The following GPATCH2L variants were observed in gnomAD, a reference collection of about 807,000 sequenced individuals.
GPATCH2L encodes G patch domain-containing protein 2-like.
Under a neutral mutation model 57.4 loss-of-function variants are expected in GPATCH2L, and 31 were observed. The ratio of observed to expected loss-of-function variants is 0.54; its 90% CI spans 0.41 to 0.73. The LOEUF (loss-of-function observed/expected upper bound fraction) is 0.73. Ranked by LOEUF, GPATCH2L falls within the 30% of genes least tolerant of loss-of-function variation. The probability of loss-of-function intolerance (pLI) is 0.00; values close to 1 mark genes in which losing one functional copy is unlikely to be tolerated. For missense variants in GPATCH2L, 481 were observed against 599.9 expected (o/e 0.80, Z 2.07); for synonymous variants, 199 against 210.7 (o/e 0.94, Z 0.48).
At chr14:76,180,536 A>T (rs2039522593) in intron 7 of GPATCH2L, among the ~76,000 whole-genome samples, 1 of 152,190 alleles carries the variant, frequency 6.6e-6, no homozygotes, top group African/African-American at 2.4e-5. Context: ...TTTTTGAAAA[A>T]TTGTTGTTTA....
At chr14:76,181,797 A>C (rs1205630799) in intron 8 of GPATCH2L, among the ~76,000 whole-genome samples, 1 of 152,224 alleles carries the variant, frequency 6.6e-6, no homozygotes, top group Non-Finnish European at 1.5e-5. Flanking sequence ...TAGAAGTTGT[A>C]CTGTTTCTGG....
In GPATCH2L at chr14:76,177,984, T is replaced by C. The variant is rs761495937; in HGVS notation, c.1053-4T>C. ...ATTTTATCATTTGGTTTCCTTTTCTTTAGAAAGAATAAAGCGTTGGCTTCT... is the reference window on the plus strand; with the variant it reads ...ATTTTATCATTTGGTTTCCTTTTCTCTAGAAAGAATAAAGCGTTGGCTTCT... On this transcript the variant is annotated splice_region_variant and splice_polypyrimidine_tract_variant and intron_variant, in intron 6 of 9. Coordinates refer to ENST00000261530, the MANE Select transcript of GPATCH2L (RefSeq NM_017926.4). 5 of 1,605,284 alleles carry C rather than the reference T, an allele frequency of 3.1e-6. No homozygotes were observed. The highest frequency in any genetic ancestry group is 3.4e-6 in the Non-Finnish European group (4 of 1,172,122).
intron 2 of GPATCH2L, among the ~76,000 whole-genome samples, chr14:76,162,635 G>T (rs2038645556): frequency 6.6e-6 from 1 of 152,120 alleles, no homozygotes; most frequent in African/African-American, 2.4e-5. Flanking sequence ...GTCAGGAATA[G>T]TATTCTCAGA....
intron 2 of GPATCH2L, among the ~76,000 whole-genome samples, chr14:76,156,741 C>T (rs926053741): frequency 2.0e-5 from 3 of 152,182 alleles, no homozygotes; most frequent in Admixed American, 2.0e-4. Flanking sequence ...GTTTCTTCCC[C>T]TTAATTTCTT....
chr14:76,178,520 A>G (rs2039429909), intron 7 of GPATCH2L: 1 of 206,086 alleles, frequency 4.9e-6, no homozygotes, highest in Non-Finnish European at 1.0e-5. Flanking sequence ...ACATTGTAAT[A>G]TATAATGAAA....
At position 76,206,125 on chromosome 14, in the gene GPATCH2L, A is replaced by G. The variant is rs1354593764; in HGVS notation, c.*4274A>G. On this transcript the variant is annotated 3_prime_UTR_variant, in exon 10 of 10. Coordinates refer to ENST00000261530, the MANE Select transcript of GPATCH2L (RefSeq NM_017926.4). The stretch of plus-strand genomic sequence containing the variant: ...TCCCTCTGCTAGTGCTTGAGCTGCC[A>G]ATTTTATTTGTCAGTATTTCCTGAT... 1 of 152,248 alleles carries G rather than the reference A, an allele frequency of 6.6e-6. No homozygotes were observed. Among genetic ancestry groups the G allele is most frequent in the Non-Finnish European group, 1.5e-5 (1 of 68,038 alleles). 9.4% of individuals were successfully genotyped at this position (152,248 alleles called of 1,614,324 possible).
At chr14:76,231,899 A>AAT (rs892176513) in intron 2 of GPATCH2L, among the ~76,000 whole-genome samples, 11 of 10,364 alleles carry the variant, frequency 1.1e-3, no homozygotes, top group South Asian at 6.3e-3. Flanking sequence ...CTCCCATATA[A>AAT]ATATATATAT....
chr14:76,234,950 C>T (rs1181790133), intron 2 of GPATCH2L: 1 of 152,332 alleles, frequency 6.6e-6, no homozygotes, highest in African/African-American at 2.4e-5. Flanking sequence ...CAGCAGATCA[C>T]CTGAGGTCAG....
At chr14:76,231,962 A>G (rs2040564182) in intron 2 of GPATCH2L, among the ~76,000 whole-genome samples, 2 of 614 alleles carry the variant, frequency 3.3e-3, no homozygotes, top group Admixed American at 0.022. Flanking sequence ...GGGCAAACAC[A>G]TCTCACTGCA....
At chr14:76,218,557 TAGA>T (rs1210935075), downstream of GPATCH2L, among the ~76,000 whole-genome samples, 2 of 152,018 alleles carry the variant, frequency 1.3e-5, no homozygotes, top group African/African-American at 2.4e-5. Flanking sequence ...CGTTCTCTCA[TAGA>T]AATACGCAGC....
chr14:76,231,960 ACATCTCAC>A (rs1476139940), intron 2 of GPATCH2L, among the ~76,000 whole-genome samples: 1 of 500 alleles, frequency 2.0e-3, no homozygotes, highest in South Asian at 0.071. Context: ...TGGGGCAAAC[ACATCTCAC>A]TGCAGCCTCA....
chr14:76,200,489 TGAGA>T (rs1373166340), intron 9 of GPATCH2L, among the ~76,000 whole-genome samples: 1 of 152,114 alleles, frequency 6.6e-6, no homozygotes, highest in Non-Finnish European at 1.5e-5. Context: ...TGTGTGTGTA[TGAGA>T]GAGAAAAAGA....
intron 8 of GPATCH2L, among the ~76,000 whole-genome samples, chr14:76,193,672 C>CAG (rs1430848054): frequency 6.6e-6 from 1 of 152,132 alleles, no homozygotes; most frequent in East Asian, 1.9e-4. Context: ...GCTCCCTGTG[C>CAG]CTCTTTCTCT....
At chr14:76,166,813 G>T in intron 3 of GPATCH2L, 86 bp downstream of exon 3, 2 of 948,332 alleles carry the variant, frequency 2.1e-6, no homozygotes, top group Non-Finnish European at 3.4e-6. Flanking sequence ...GGAGAATATG[G>T]TGACTGTCTA....
At chr14:76,170,441 A>G (rs1384158253) in intron 3 of GPATCH2L, among the ~76,000 whole-genome samples, 1 of 152,218 alleles carries the variant, frequency 6.6e-6, no homozygotes, top group Non-Finnish European at 1.5e-5. Context: ...CACTATAGCC[A>G]GTAGAAAGAA....
intron 8 of GPATCH2L, among the ~76,000 whole-genome samples, chr14:76,187,988 G>A (rs2039832613): frequency 6.6e-6 from 1 of 151,896 alleles, no homozygotes; most frequent in South Asian, 2.1e-4. Context: ...TCTGTGCCTG[G>A]TCTATCTTAC....
intron 1 of GPATCH2L, among the ~76,000 whole-genome samples, chr14:76,226,598 G>A (rs190885315): frequency 5.3e-5 from 8 of 152,248 alleles, no homozygotes; most frequent in Non-Finnish European, 8.8e-5. Flanking sequence ...TTGGGAGGTG[G>A]GACCTAACTG....
intron 1 of GPATCH2L, among the ~76,000 whole-genome samples, chr14:76,226,289 C>G (rs2040536045): frequency 6.6e-6 from 1 of 152,210 alleles, no homozygotes; most frequent in Non-Finnish European, 1.5e-5. Context: ...GATTAACAAA[C>G]TGTATGCAGC....
At chr14:76,171,738 A>C in intron 3 of GPATCH2L, 105 bp from the exon 4 acceptor site, 1 of 742,660 alleles carries the variant, frequency 1.3e-6, no homozygotes, top group Non-Finnish European at 2.2e-6. Flanking sequence ...GGAAAAAAAA[A>C]AAAAAGGATG....
Sources: allele counts gnomAD v4.1 joint callset (sites outside exome capture counted in the v4.1 genomes callset), GRCh38; gene constraint gnomAD v4.1.1; transcripts MANE v1.5; gene names NCBI Gene and HGNC (gene_info 2026-07-23, HGNC 2026-07-21).